APCDD1: variants seen among roughly 807,000 people sequenced by gnomAD.
APCDD1 encodes APC down-regulated 1.
In APCDD1, 15 loss-of-function variants were observed where a neutral mutation model predicts 38.1. That is an observed-to-expected ratio of 0.39 (90% confidence interval 0.26 to 0.61). The LOEUF is 0.61. APCDD1 is among the 20% of genes least tolerant of loss of function. APCDD1 has a pLI of 0.49. For missense variants in APCDD1, 647 were observed against 696.2 expected (o/e 0.93, Z 0.79); for synonymous variants, 261 against 279.7 (o/e 0.93, Z 0.67).
chr18:10,457,818 G>T (rs2030420944), intron 1 of APCDD1, among the ~76,000 whole-genome samples: 4 of 152,172 alleles, frequency 2.6e-5, no homozygotes, highest in African/African-American at 2.4e-5. Context: ...AATCCTATCA[G>T]TGAGTAAATG....
At chr18:10,466,665 A>G (rs1316087805) in intron 1 of APCDD1, among the ~76,000 whole-genome samples, 2 of 152,220 alleles carry the variant, frequency 1.3e-5, no homozygotes, top group African/African-American at 2.4e-5. Context: ...GCCCAGGAGT[A>G]CCACTCTAGT....
intron 1 of APCDD1, among the ~76,000 whole-genome samples, chr18:10,466,325 G>A (rs904571368): frequency 2.6e-5 from 4 of 152,316 alleles, no homozygotes; most frequent in Non-Finnish European, 4.4e-5. Context: ...CTAAGGGGGC[G>A]TTCAACACGA....
At chr18:10,465,462 G>A (rs976105137) in intron 1 of APCDD1, among the ~76,000 whole-genome samples, 1 of 152,176 alleles carries the variant, frequency 6.6e-6, no homozygotes, top group Non-Finnish European at 1.5e-5. Flanking sequence ...GTGAAAATCA[G>A]ACAGATCTTC....
chr18:10,460,550 AAAC>A (rs2030513709), intron 1 of APCDD1, among the ~76,000 whole-genome samples: 2 of 151,858 alleles, frequency 1.3e-5, no homozygotes, highest in Admixed American at 6.6e-5. Flanking sequence ...AAAAAACAAA[AAAC>A]AAACAAGCAA....
At chr18:10,466,523 C>G (rs899226402) in intron 1 of APCDD1, among the ~76,000 whole-genome samples, 2 of 152,170 alleles carry the variant, frequency 1.3e-5, no homozygotes, top group African/African-American at 4.8e-5. Context: ...GGGAGCTGAT[C>G]AAAATGCATG....
At position 10,455,049 on chromosome 18, in the gene APCDD1, C is replaced by A. The variant is rs1031584830; in HGVS notation, c.58+10C>A. 6.4e-7 allele frequency: 1 copy of A among 1,561,302 alleles called. No individual in the cohort carries two copies. The highest frequency in any genetic ancestry group is 1.2e-5 in the South Asian group (1 of 84,856). On this transcript the variant is annotated intron_variant, in intron 1 of 4. Transcript: ENST00000355285. ...GCCCTCCTGCTTCACGGTGAGTTCC[C>A]GAGGGCCACTCGAGCGCTCCCAGCC...
chr18:10,485,897 A>G lies in APCDD1; in HGVS notation c.1096+114A>G. On this transcript the variant is annotated intron_variant, in intron 4 of 4. Transcript: ENST00000355285. The surrounding 1 kb of genome is among the most constrained non-coding windows in gnomAD (Gnocchi z 5.8). ...TTTTCTGCCTGAGTTCCCAGGAAAG[A>G]AATTGGGGAGTCATTTCTGCCTCAG... 1 of 1,201,362 alleles carries G rather than the reference A, an allele frequency of 8.3e-7. No individual in the cohort carries two copies. Among genetic ancestry groups the G allele is most frequent in the Admixed American group, 2.0e-5 (1 of 50,710 alleles). 74.4% of individuals were successfully genotyped at this position (1,201,362 alleles called of 1,614,324 possible). A position where few individuals can be genotyped will look rare whatever the true frequency, so the allele number is the denominator to read the frequency against.
chr18:10,485,934 G>A lies in APCDD1; in HGVS notation c.1096+151G>A, dbSNP rs546404. 4.6e-3 allele frequency: 4,162 copies of A among 899,046 alleles called. 147 individuals carry two copies. In the African/African-American group the frequency reaches 0.061, roughly 13 times the overall value. 55.7% of individuals were successfully genotyped at this position (899,046 alleles called of 1,614,324 possible). On this transcript the variant is annotated intron_variant, in intron 4 of 4. Transcript: ENST00000355285. This position sits in a 1 kb window ranked among gnomAD's most constrained non-coding sequence, Gnocchi z 5.8. The stretch of plus-strand genomic sequence containing the variant: ...CATTTCTGCCTCAGTCCTTCCCAAC[G>A]CCCTCTGAGTTTCTCCCTGCTCAAA...
chr18:10,455,179 C>T, intron 1 of APCDD1, 140 bp downstream of exon 1: 3 of 1,373,138 alleles, frequency 2.2e-6, no homozygotes, highest in Admixed American at 2.8e-5. Context: ...GGGAGCCCCG[C>T]GCCTGCCGTC....
rs1265395645 is a variant in APCDD1 at position 10,472,548 on chromosome 18, C to T, written c.774+487C>T. On this transcript the variant is annotated intron_variant, in intron 3 of 4. Coordinates refer to ENST00000355285, the MANE Select transcript of APCDD1 (RefSeq NM_153000.5). This position sits in a 1 kb window ranked among gnomAD's most constrained non-coding sequence, Gnocchi z 6.6. ...GGTGTTAGACTCCACGGAGACTGTC[C>T]ACCAGAGTCACCCTGGTGAGTCCCG... Among the ~76,000 whole-genome samples, 1 of 152,104 alleles carries T rather than the reference C, an allele frequency of 6.6e-6. No homozygotes were observed. The highest frequency in any genetic ancestry group is 1.5e-5 in the Non-Finnish European group (1 of 68,020).
intron 1 of APCDD1, among the ~76,000 whole-genome samples, chr18:10,455,624 T>G (rs2030360778): frequency 6.6e-6 from 1 of 152,182 alleles, no homozygotes; most frequent in Non-Finnish European, 1.5e-5. Context: ...CTGGGTGTAA[T>G]TTTAAGAAAC....
At chr18:10,481,394 A>G (rs2031133052) in intron 3 of APCDD1, among the ~76,000 whole-genome samples, 1 of 152,234 alleles carries the variant, frequency 6.6e-6, no homozygotes, top group African/African-American at 2.4e-5. Flanking sequence ...TACAACATCG[A>G]TAAAACTTGA....
intron 3 of APCDD1, chr18:10,474,214 GTC>G (rs1359513099): frequency 6.6e-6 from 1 of 152,040 alleles, no homozygotes; most frequent in Non-Finnish European, 1.5e-5. Flanking sequence ...GTGAGCCACC[GTC>G]CGCCCGGCCG....
intron 3 of APCDD1, among the ~76,000 whole-genome samples, chr18:10,474,678 C>T (rs544612986): frequency 3.9e-5 from 6 of 152,150 alleles, no homozygotes; most frequent in South Asian, 2.1e-4. Context: ...GCCTCTCTAC[C>T]CCGTTGCACT....
At chr18:10,479,506 C>T (rs1280090345) in intron 3 of APCDD1, among the ~76,000 whole-genome samples, 2 of 152,176 alleles carry the variant, frequency 1.3e-5, no homozygotes, top group African/African-American at 4.8e-5. Context: ...CAGAGAAAGC[C>T]TGGAGAATCC....
intron 1 of APCDD1, among the ~76,000 whole-genome samples, chr18:10,464,349 C>CACAG (rs2030653511): frequency 6.7e-6 from 1 of 149,134 alleles, no homozygotes; most frequent in African/African-American, 2.6e-5. Flanking sequence ...CACACAGACA[C>CACAG]ACACACACAA....
At position 10,470,061 on chromosome 18, in the gene APCDD1, C is replaced by T. The variant is rs926636524; in HGVS notation, c.242+1409C>T. Among the ~76,000 whole-genome samples, 4 of 152,042 alleles carry T rather than the reference C, an allele frequency of 2.6e-5. No individual in the cohort carries two copies. Among genetic ancestry groups the T allele is most frequent in the Non-Finnish European group, 4.4e-5 (3 of 68,006 alleles). ...TTCTGGCTGCTGTTTGGCAAATGGA[C>T]GGGAGAAAAAGTGATTTGGGGGTGA... On this transcript the variant is annotated intron_variant, in intron 2 of 4. Transcript: ENST00000355285. This position sits in a 1 kb window ranked among gnomAD's most constrained non-coding sequence, Gnocchi z 4.1.
chr18:10,464,683 G>C (rs2030663187), intron 1 of APCDD1, among the ~76,000 whole-genome samples: 1 of 152,114 alleles, frequency 6.6e-6, no homozygotes, highest in Non-Finnish European at 1.5e-5. Context: ...AGCCTCCCAG[G>C]GTGTTGGGAT....
chr18:10,484,023 C>T (rs535001708), intron 3 of APCDD1, among the ~76,000 whole-genome samples: 4 of 152,350 alleles, frequency 2.6e-5, no homozygotes, highest in Admixed American at 1.3e-4. Flanking sequence ...GCATCTCTGA[C>T]GTGTGCACCT....
Sources: allele counts gnomAD v4.1 joint callset (sites outside exome capture counted in the v4.1 genomes callset), GRCh38; gene constraint gnomAD v4.1.1; non-coding constraint Gnocchi (gnomAD v3.1); transcripts MANE v1.5; gene names NCBI Gene and HGNC (gene_info 2026-07-23, HGNC 2026-07-21).